The following FGF13 variants were observed in gnomAD, a reference collection of about 807,000 sequenced individuals.
The protein encoded by FGF13 is fibroblast growth factor homologous factor 2.
Under a neutral mutation model 19.5 loss-of-function variants are expected in FGF13, and 2 were observed. The ratio of observed to expected loss-of-function variants is 0.10; its 90% CI spans 0.04 to 0.32. FGF13 has a LOEUF of 0.32. FGF13 is among the 10% of genes least tolerant of loss of function. FGF13 has a pLI of 1.00. For missense variants in FGF13, 113 were observed against 192.7 expected (o/e 0.59, Z 2.45); for synonymous variants, 72 against 76.9 (o/e 0.94, Z 0.33).
intron 1 of FGF13, among the ~76,000 whole-genome samples, chrX:139,187,051 C>G (rs903813642): frequency 8.9e-6 from 1 of 112,962 alleles, no homozygotes; most frequent in Non-Finnish European, 1.9e-5. Flanking sequence ...GGCAGGGACA[C>G]TCTGTAGCTT....
At chrX:138,788,007 C>A (rs755228834) in intron 3 of FGF13, among the ~76,000 whole-genome samples, 1 of 111,858 alleles carries the variant, frequency 8.9e-6, no homozygotes, top group South Asian at 3.8e-4. Flanking sequence ...CAAAATAATT[C>A]ATTCCATTCA....
At chrX:138,799,634 T>C (rs1033684480) in intron 3 of FGF13, among the ~76,000 whole-genome samples, 1 of 111,362 alleles carries the variant, frequency 9.0e-6, no homozygotes. Context: ...TCTGTCTCAT[T>C]GATCTGTCTA....
chrX:138,753,036 C>G (rs780972010), intron 3 of FGF13, among the ~76,000 whole-genome samples: 6 of 111,743 alleles, frequency 5.4e-5, no homozygotes, highest in Admixed American at 1.9e-4. Context: ...AATTTTTGCA[C>G]ACTCCCTAAT....
intron 3 of FGF13, among the ~76,000 whole-genome samples, chrX:138,656,112 T>C (rs1311593420): frequency 1.8e-5 from 2 of 111,817 alleles, no homozygotes; most frequent in African/African-American, 3.3e-5. Flanking sequence ...GAAGGATAAA[T>C]GTTGCAAGTA....
chrX:138,743,681 T>G (rs2090335164), upstream of FGF13, among the ~76,000 whole-genome samples: 1 of 111,855 alleles, frequency 8.9e-6, no homozygotes, highest in Non-Finnish European at 1.9e-5. Flanking sequence ...AACCTAAAAC[T>G]GCTCTAAAAA....
intron 1 of FGF13, among the ~76,000 whole-genome samples, chrX:139,192,959 G>A (rs914668560): frequency 8.1e-5 from 9 of 111,455 alleles, no homozygotes; most frequent in Non-Finnish European, 1.3e-4. Context: ...TATCTGTTCC[G>A]CTCACTGCTG....
At chrX:138,883,688 G>C (rs1240044121) in intron 1 of FGF13, among the ~76,000 whole-genome samples, 2 of 111,622 alleles carry the variant, frequency 1.8e-5, no homozygotes, top group African/African-American at 3.3e-5. Context: ...CTGATGAAAA[G>C]CAATGTAAAA....
At chrX:138,889,731 C>T (rs1267717327) in intron 1 of FGF13, among the ~76,000 whole-genome samples, 3 of 111,163 alleles carry the variant, frequency 2.7e-5, no homozygotes, top group East Asian at 2.8e-4. Context: ...AGAGTTATTA[C>T]GGTGGCATCC....
At chrX:138,761,404 A>C (rs2090465255) in intron 3 of FGF13, among the ~76,000 whole-genome samples, 1 of 111,194 alleles carries the variant, frequency 9.0e-6, no homozygotes, top group South Asian at 3.9e-4. Flanking sequence ...TGAGTGCTTC[A>C]CCACTCCTGG....
At chrX:139,095,136 A>G (rs981217682) in intron 1 of FGF13, among the ~76,000 whole-genome samples, 1 of 112,183 alleles carries the variant, frequency 8.9e-6, no homozygotes, top group Non-Finnish European at 1.9e-5. Flanking sequence ...GTTGTTTCCA[A>G]CAGCTGGATG....
At chrX:138,673,681 G>C (rs1199738191) in intron 3 of FGF13, among the ~76,000 whole-genome samples, 1 of 111,487 alleles carries the variant, frequency 9.0e-6, no homozygotes, top group Non-Finnish European at 1.9e-5. Context: ...ATAAATAACA[G>C]TAATGATTGT....
chrX:139,110,466 G>A (rs1261526100), intron 1 of FGF13, among the ~76,000 whole-genome samples: 3 of 110,179 alleles, frequency 2.7e-5, no homozygotes, highest in Non-Finnish European at 5.7e-5. Context: ...GAGATCTGAC[G>A]GTTTTATAAG....
chrX:138,706,001 C>A (rs2089988640), intron 2 of FGF13, among the ~76,000 whole-genome samples: 1 of 112,276 alleles, frequency 8.9e-6, no homozygotes. Flanking sequence ...AAACAAACAC[C>A]TTCTATTTGA....
chrX:138,775,739 A>G (rs1467938105), intron 3 of FGF13, among the ~76,000 whole-genome samples: 1 of 112,685 alleles, frequency 8.9e-6, no homozygotes, highest in Non-Finnish European at 1.9e-5. Context: ...TCGTGATAGA[A>G]GATCCTACGA....
intron 1 of FGF13, among the ~76,000 whole-genome samples, chrX:139,157,034 G>A (rs1166460904): frequency 2.7e-5 from 3 of 111,578 alleles, no homozygotes; most frequent in East Asian, 5.6e-4. Flanking sequence ...TATAAGAAGA[G>A]AATGGAAAGG....
At chrX:138,706,576 T>C (rs1404664797) in intron 2 of FGF13, among the ~76,000 whole-genome samples, 9 of 111,602 alleles carry the variant, frequency 8.1e-5, no homozygotes, top group Non-Finnish European at 1.1e-4. Flanking sequence ...AAGAAAAATA[T>C]AAACATAGTA....
At chrX:138,941,604 T>C (rs1365469281) in intron 1 of FGF13, among the ~76,000 whole-genome samples, 1 of 112,011 alleles carries the variant, frequency 8.9e-6, no homozygotes, top group Non-Finnish European at 1.9e-5. Flanking sequence ...GAATCAATAT[T>C]ATTAAAATGG....
Position 138,624,007 on chromosome X carries a change from A to T in FGF13, c.*8843T>A, listed in dbSNP as rs976212636. 4.5e-5 allele frequency: 5 copies of T among 111,797 alleles called. No homozygotes were observed. The highest frequency in any genetic ancestry group is 9.5e-5 in the Admixed American group (1 of 10,529). The allele number at this position is 111,797 out of a possible 1,213,427, so 9.2% of individuals were successfully genotyped here. On this transcript the variant is annotated 3_prime_UTR_variant, in exon 5 of 5. Coordinates refer to ENST00000315930, the MANE Select transcript of FGF13 (RefSeq NM_004114.5). ...GAATTAATTTTGCAAAAATGTTGAT[A>T]CTAACCAAAGTGATCTACAGAGTCA...
chrX:139,011,467 G>A (rs1449303048), intron 1 of FGF13, among the ~76,000 whole-genome samples: 1 of 110,455 alleles, frequency 9.1e-6, no homozygotes, highest in Non-Finnish European at 1.9e-5. Context: ...TAATACAACA[G>A]CATATCAAAA....
Sources: allele counts gnomAD v4.1 joint callset (sites outside exome capture counted in the v4.1 genomes callset), GRCh38; gene constraint gnomAD v4.1.1; transcripts MANE v1.5; gene names NCBI Gene and HGNC (gene_info 2026-07-23, HGNC 2026-07-21).